CFDP1: variants seen among roughly 807,000 people sequenced by gnomAD.
CFDP1 encodes the protein heterochromatin-stabilizing protein CFDP1.
Under a neutral mutation model 40.1 loss-of-function variants are expected in CFDP1, and 31 were observed. That is an observed-to-expected ratio of 0.77 (90% confidence interval 0.58 to 1.04). CFDP1 has a LOEUF of 1.04. Ranked by LOEUF, CFDP1 falls within the 50% of genes least tolerant of loss-of-function variation. CFDP1 has a pLI of 0.00. For synonymous variants in CFDP1, 167 were observed against 120.0 expected, an observed-to-expected ratio of 1.39 and a Z score of -2.56; for missense variants, 423 against 343.4, an observed-to-expected ratio of 1.23 and a Z score of -1.83.
chr16:75,374,013 G>T (rs1277925092), intron 5 of CFDP1, among the ~76,000 whole-genome samples: 1 of 152,128 alleles, frequency 6.6e-6, no homozygotes, highest in Non-Finnish European at 1.5e-5. Flanking sequence ...AGCACTTTGG[G>T]AGGCCAAACC....
At chr16:75,344,560 T>C (rs186380894) in intron 5 of CFDP1, among the ~76,000 whole-genome samples, 31 of 152,234 alleles carry the variant, frequency 2.0e-4, no homozygotes, top group Non-Finnish European at 1.5e-5. Flanking sequence ...GAAGAAAAAC[T>C]GAATGAAAAG....
chr16:75,317,798 G>C (rs1485101816), intron 5 of CFDP1, among the ~76,000 whole-genome samples: 1 of 152,114 alleles, frequency 6.6e-6, no homozygotes, highest in Non-Finnish European at 1.5e-5. Flanking sequence ...CTGAGGCAGA[G>C]TCAGCATCTG....
At chr16:75,396,763 A>G (rs2078997594) in intron 4 of CFDP1, among the ~76,000 whole-genome samples, 1 of 146,746 alleles carries the variant, frequency 6.8e-6, no homozygotes, top group Non-Finnish European at 1.5e-5. Flanking sequence ...GAGAATTCAG[A>G]TAAAGAGAGA....
chr16:75,428,159 G>A (rs1291794367), intron 1 of CFDP1, among the ~76,000 whole-genome samples: 1 of 151,376 alleles, frequency 6.6e-6, no homozygotes, highest in Non-Finnish European at 1.5e-5. Flanking sequence ...GAGGGTTGAC[G>A]GCTTGAAACT....
chr16:75,373,941 T>C (rs2078772516), intron 5 of CFDP1, among the ~76,000 whole-genome samples: 1 of 152,172 alleles, frequency 6.6e-6, no homozygotes, highest in Admixed American at 6.5e-5. Flanking sequence ...AATGTCTGTA[T>C]AGGGAGTTAG....
chr16:75,386,406 C>T (rs751302289), intron 5 of CFDP1, among the ~76,000 whole-genome samples: 9 of 152,130 alleles, frequency 5.9e-5, no homozygotes, highest in Non-Finnish European at 8.8e-5. Flanking sequence ...ATCCTGGTGA[C>T]CACAAATGAA....
intron 5 of CFDP1, chr16:75,362,877 C>T (rs1450969955): frequency 1.3e-5 from 2 of 152,182 alleles, no homozygotes; most frequent in Non-Finnish European, 2.9e-5. Context: ...GTACAGACCT[C>T]AATGGCTGCA....
intron 1 of CFDP1, among the ~76,000 whole-genome samples, chr16:75,418,398 C>T (rs1037591248): frequency 3.0e-4 from 45 of 148,840 alleles, no homozygotes; most frequent in African/African-American, 9.8e-4. Flanking sequence ...CTCCGCCTCC[C>T]GGGTTTTACG....
chr16:75,431,255 A>T (rs893252723), intron 1 of CFDP1, among the ~76,000 whole-genome samples: 7 of 151,812 alleles, frequency 4.6e-5, no homozygotes, highest in African/African-American at 1.5e-4. Context: ...AGTTTGAAAC[A>T]AGCCTGGCCA....
intron 6 of CFDP1, among the ~76,000 whole-genome samples, chr16:75,298,014 T>C (rs2078196232): frequency 6.6e-6 from 1 of 152,082 alleles, no homozygotes; most frequent in South Asian, 2.1e-4. Flanking sequence ...AAGTGGAAAA[T>C]TCCACACCTG....
chr16:75,340,131 T>A (rs17764278), intron 5 of CFDP1, among the ~76,000 whole-genome samples: 10,420 of 152,296 alleles, frequency 0.068, 456 homozygotes, highest in Non-Finnish European at 0.095. Context: ...GCCAGCCTTA[T>A]GATTGTCATG....
In CFDP1 at chr16:75,431,214, G is replaced by A. The variant is rs535851259; in HGVS notation, c.64+2075C>T. Reference sequence around the variant, plus strand: ...CGCCTGTAATCCCAGCACTCAGGGAGGCCGAGGCGGGCAGACCATTTGAGG... The same window carrying A: ...CGCCTGTAATCCCAGCACTCAGGGAAGCCGAGGCGGGCAGACCATTTGAGG... On this transcript the variant is annotated intron_variant, in intron 1 of 6. Coordinates refer to ENST00000283882, the MANE Select transcript of CFDP1 (RefSeq NM_006324.3). Among the ~76,000 whole-genome samples, 40 of 151,914 alleles carry A rather than the reference G, an allele frequency of 2.6e-4. 1 individual carries two copies. Among genetic ancestry groups the A allele is most frequent in the Middle Eastern group, 3.4e-3 (1 of 290 alleles).
At chr16:75,299,430 A>AAAAC (rs1356532991) in intron 6 of CFDP1, among the ~76,000 whole-genome samples, 2 of 151,008 alleles carry the variant, frequency 1.3e-5, no homozygotes, top group African/African-American at 4.9e-5. Context: ...TACTTAAAAA[A>AAAAC]AAAAAATACA....
At chr16:75,414,060 G>A (rs369936601) in intron 2 of CFDP1, among the ~76,000 whole-genome samples, 5 of 151,956 alleles carry the variant, frequency 3.3e-5, no homozygotes, top group Non-Finnish European at 5.9e-5. Flanking sequence ...AACATCCCTC[G>A]ATACAGGAAA....
chr16:75,398,937 G>C (rs2079022891), intron 4 of CFDP1, among the ~76,000 whole-genome samples: 1 of 151,630 alleles, frequency 6.6e-6, no homozygotes, highest in Admixed American at 6.6e-5. Flanking sequence ...GGCGCCTGTA[G>C]TCCCAGCTAC....
chr16:75,347,352 AAAAAAAAAAAAAGAAAAAG>A (rs2078575013), intron 5 of CFDP1, among the ~76,000 whole-genome samples: 1 of 130,926 alleles, frequency 7.6e-6, no homozygotes, highest in African/African-American at 3.1e-5. Flanking sequence ...TCAAAAAAAA[AAAAAAAAAAAAAGAAAAAG>A]AAAAAGAAAA....
At chr16:75,303,394 TAAATAA>T (rs2078234793) in intron 6 of CFDP1, among the ~76,000 whole-genome samples, 3 of 134,206 alleles carry the variant, frequency 2.2e-5, no homozygotes, top group African/African-American at 7.7e-5. Flanking sequence ...AATAAATAAA[TAAATAA>T]ATGTATGTAT....
chr16:75,404,200 T>G (rs995081980), intron 4 of CFDP1, among the ~76,000 whole-genome samples: 3 of 151,568 alleles, frequency 2.0e-5, no homozygotes, highest in Non-Finnish European at 4.4e-5. Context: ...AGGAAAAGGT[T>G]GCCTTACAAT....
At chr16:75,385,372 T>C (rs1168349066) in intron 5 of CFDP1, among the ~76,000 whole-genome samples, 1 of 152,184 alleles carries the variant, frequency 6.6e-6, no homozygotes, top group Non-Finnish European at 1.5e-5. Flanking sequence ...GAACTTTCAC[T>C]GCCTTCTCTC....
Sources: allele counts gnomAD v4.1 joint callset (sites outside exome capture counted in the v4.1 genomes callset), GRCh38; gene constraint gnomAD v4.1.1; transcripts MANE v1.5; gene names NCBI Gene and HGNC (gene_info 2026-07-23, HGNC 2026-07-21).